The following MARCHF7 variants were observed in gnomAD, a reference collection of about 807,000 sequenced individuals.
MARCHF7 encodes the protein E3 ubiquitin-protein ligase MARCHF7.
In MARCHF7, 20 loss-of-function variants were observed where a neutral mutation model predicts 76.5. The observed-to-expected ratio is 0.26, with a 90% CI of 0.18 to 0.38. MARCHF7 has a LOEUF of 0.38. MARCHF7 is among the 10% of genes least tolerant of loss of function. The pLI is 1.00. For synonymous variants in MARCHF7, 295 were observed against 293.0 expected (o/e 1.01, Z -0.07); for missense variants, 797 against 812.9 (o/e 0.98, Z 0.24).
chr2:159,770,808 A>G lies in MARCHF7; in HGVS notation c.*3466A>G, dbSNP rs969520903. The G allele has an allele frequency of 2.0e-5, 3 of 152,200 alleles. No individual in the cohort carries two copies. The highest frequency in any genetic ancestry group is 4.8e-5 in the African/African-American group (2 of 41,456). The allele number at this position is 152,200 out of a possible 1,614,324, so 9.4% of individuals were successfully genotyped here. A position where few individuals can be genotyped will look rare whatever the true frequency, so the allele number is the denominator to read the frequency against. On this transcript the variant is annotated 3_prime_UTR_variant, in exon 12 of 12. Coordinates refer to ENST00000409175, the MANE Select transcript of MARCHF7 (RefSeq NM_001282805.2). Reference sequence around the variant, plus strand: ...GTAAATACAAGCTGATTTTCACACAAGATTCCCTAACTATGCATTTCTTAG... The same window carrying G: ...GTAAATACAAGCTGATTTTCACACAGGATTCCCTAACTATGCATTTCTTAG...
chr2:159,749,636 C>T (rs1200265810), intron 7 of MARCHF7, among the ~76,000 whole-genome samples: 1 of 152,058 alleles, frequency 6.6e-6, no homozygotes, highest in Admixed American at 6.5e-5. Flanking sequence ...GCATGAGTCA[C>T]TACTTCCAGC....
At chr2:159,745,104 CTT>C (rs890167318) in intron 5 of MARCHF7, among the ~76,000 whole-genome samples, 1 of 152,018 alleles carries the variant, frequency 6.6e-6, no homozygotes, top group African/African-American at 2.4e-5. Flanking sequence ...CTTTCATTGA[CTT>C]TTTTTGTGAA....
intron 7 of MARCHF7, among the ~76,000 whole-genome samples, chr2:159,751,286 A>G (rs974403850): frequency 6.6e-6 from 1 of 152,176 alleles, no homozygotes; most frequent in African/African-American, 2.4e-5. Context: ...AAAAAGCAGC[A>G]TTTGGTTATT....
chr2:159,731,843 G>C (rs1291560152), intron 4 of MARCHF7, among the ~76,000 whole-genome samples: 2 of 151,994 alleles, frequency 1.3e-5, no homozygotes, highest in Admixed American at 6.6e-5. Context: ...AGTGGCTCAC[G>C]CCTGTAATCC....
In MARCHF7 at chr2:159,733,427, G is replaced by C. The variant is rs1246342259; in HGVS notation, c.153+4252G>C. ...TGCTTTTTAAATTTTTTGTAGATGT[G>C]AAGTCTCACTGTATTGACCAGGCTG... On this transcript the variant is annotated intron_variant, in intron 4 of 11. Coordinates refer to ENST00000409175, the MANE Select transcript of MARCHF7 (RefSeq NM_001282805.2). The C allele has an allele frequency of 6.1e-6, 4 of 658,866 alleles. No individual in the cohort carries two copies. The African/African-American group carries it at 7.9e-5, about 13-fold the overall frequency. 40.8% of individuals were successfully genotyped at this position (658,866 alleles called of 1,614,324 possible).
chr2:159,741,209 C>T (rs576722200), intron 4 of MARCHF7, among the ~76,000 whole-genome samples: 1 of 152,126 alleles, frequency 6.6e-6, no homozygotes, highest in East Asian at 1.9e-4. Flanking sequence ...CCTGTCTCTA[C>T]AAAATAAAAA....
chr2:159,721,659 A>C (rs1701654434), intron 3 of MARCHF7, among the ~76,000 whole-genome samples: 2 of 152,174 alleles, frequency 1.3e-5, no homozygotes, highest in African/African-American at 4.8e-5. Context: ...ACTCAATACC[A>C]GTTCTGGAGA....
chr2:159,726,765 G>T (rs1702222302), intron 3 of MARCHF7, among the ~76,000 whole-genome samples: 1 of 151,908 alleles, frequency 6.6e-6, no homozygotes, highest in Non-Finnish European at 1.5e-5. Context: ...TTTTCATCTT[G>T]TAAAACCAAA....
At chr2:159,740,116 ATTC>A (rs1269701125) in intron 4 of MARCHF7, among the ~76,000 whole-genome samples, 1 of 152,190 alleles carries the variant, frequency 6.6e-6, no homozygotes, top group Non-Finnish European at 1.5e-5. Context: ...ATTGCCCTCT[ATTC>A]CCATTACTTC....
At chr2:159,732,612 A>G (rs1483383648) in intron 4 of MARCHF7, among the ~76,000 whole-genome samples, 2 of 152,196 alleles carry the variant, frequency 1.3e-5, no homozygotes, top group Non-Finnish European at 2.9e-5. Context: ...TTCTGGGCAC[A>G]AGCAATCCTC....
Position 159,742,254 on chromosome 2 carries a change from T to G in MARCHF7, c.154-807T>G, listed in dbSNP as rs151018162. Among the ~76,000 whole-genome samples, 257 of 152,260 alleles carry G rather than the reference T, an allele frequency of 1.7e-3. 8 individuals are homozygous for G. The East Asian group carries it at 0.043, about 26-fold the overall frequency. Reference sequence around the variant, plus strand: ...GAAATTTCTGATGTTAGGATTTTTTTTTTTTGTTTTTTAGCATACTGTTAC... The same window carrying G: ...GAAATTTCTGATGTTAGGATTTTTTGTTTTTGTTTTTTAGCATACTGTTAC... On this transcript the variant is annotated intron_variant, in intron 4 of 11. Coordinates refer to ENST00000409175, the MANE Select transcript of MARCHF7 (RefSeq NM_001282805.2).
intron 8 of MARCHF7, among the ~76,000 whole-genome samples, chr2:159,752,887 G>C (rs1363556657): frequency 6.6e-6 from 1 of 152,194 alleles, no homozygotes; most frequent in Non-Finnish European, 1.5e-5. Context: ...CCATTTACCA[G>C]CTGTGTGTCC....
At chr2:159,760,651 C>T (rs1312378334) in intron 9 of MARCHF7, among the ~76,000 whole-genome samples, 1 of 151,728 alleles carries the variant, frequency 6.6e-6, no homozygotes, top group Non-Finnish European at 1.5e-5. Context: ...AGGTTTGTTT[C>T]TCCTGCCATC....
At chr2:159,722,032 T>G (rs891839353) in intron 3 of MARCHF7, among the ~76,000 whole-genome samples, 1 of 152,242 alleles carries the variant, frequency 6.6e-6, no homozygotes, top group African/African-American at 2.4e-5. Flanking sequence ...GAGGAAAGAT[T>G]GTACATGTGA....
intron 4 of MARCHF7, among the ~76,000 whole-genome samples, chr2:159,738,274 G>T (rs993717553): frequency 1.3e-5 from 2 of 152,290 alleles, no homozygotes; most frequent in East Asian, 1.9e-4. Context: ...CCCCAAAGAG[G>T]TTGTCACAGC....
intron 3 of MARCHF7, among the ~76,000 whole-genome samples, chr2:159,718,075 G>A (rs947039795): frequency 2.0e-5 from 3 of 152,204 alleles, no homozygotes; most frequent in African/African-American, 7.2e-5. Context: ...AACACATGCT[G>A]TGTGCCAGCA....
At chr2:159,725,214 G>A (rs1024796581) in intron 3 of MARCHF7, among the ~76,000 whole-genome samples, 11 of 152,162 alleles carry the variant, frequency 7.2e-5, no homozygotes, top group Admixed American at 6.5e-5. Context: ...GGGATGGCTG[G>A]GTCAAATGGT....
chr2:159,713,702 A>G (rs1700612336), intron 1 of MARCHF7, among the ~76,000 whole-genome samples: 1 of 152,142 alleles, frequency 6.6e-6, no homozygotes, highest in Non-Finnish European at 1.5e-5. Flanking sequence ...TCAGTATAAT[A>G]TTTTTATTTA....
chr2:159,764,326 T>C (rs1707505325), intron 10 of MARCHF7, among the ~76,000 whole-genome samples: 1 of 151,882 alleles, frequency 6.6e-6, no homozygotes, highest in South Asian at 2.1e-4. Flanking sequence ...TTGTTTTTTT[T>C]CCTCCATTTC....
Sources: gnomAD v4.1 joint callset for allele counts (sites outside exome capture counted in the v4.1 genomes callset) on GRCh38, gnomAD v4.1.1 for gene constraint, MANE v1.5 for transcripts, NCBI Gene and HGNC (gene_info 2026-07-23, HGNC 2026-07-21) for gene names.